MACROD2: variants seen among roughly 807,000 people sequenced by gnomAD.
MACROD2 encodes the protein mono-ADP ribosylhydrolase 2, also known as ADP-ribose glycohydrolase MACROD2.
Under a neutral mutation model 70.4 loss-of-function variants are expected in MACROD2, and 36 were observed. That is an observed-to-expected ratio of 0.51 (90% CI 0.39 to 0.68). MACROD2 has a LOEUF of 0.68. MACROD2 is among the 30% of genes least tolerant of loss of function. MACROD2 has a pLI of 0.00. For synonymous variants in MACROD2, 172 were observed against 178.8 expected (o/e 0.96, Z 0.30); for missense variants, 496 against 538.4 (o/e 0.92, Z 0.78).
intron 3 of MACROD2, among the ~76,000 whole-genome samples, chr20:14,365,744 G>A (rs1057217674): frequency 1.3e-5 from 2 of 151,926 alleles, no homozygotes; most frequent in Admixed American, 6.6e-5. Flanking sequence ...TACAGATTTT[G>A]TAACTATTAA....
Position 15,608,437 on chromosome 20 carries a change from C to T in MACROD2, c.645+108590C>T, listed in dbSNP as rs536121492. Among the ~76,000 whole-genome samples the T allele has an allele frequency of 7.9e-5, 12 of 152,316 alleles. No individual in the cohort carries two copies. In the East Asian group the frequency reaches 2.1e-3, roughly 27 times the overall value. On this transcript the variant is annotated intron_variant, in intron 8 of 17. Transcript: ENST00000684519. ...TTTCTCTGCGTAGCTGTTATTTCCT[C>T]ACCCTTGTTCTAGGAGGAGCACACG...
chr20:14,560,699 G>A (rs1303816416), intron 4 of MACROD2, among the ~76,000 whole-genome samples: 1 of 151,792 alleles, frequency 6.6e-6, no homozygotes, highest in East Asian at 1.9e-4. Context: ...GAACATAAGA[G>A]TTTATCATAT....
At chr20:15,412,783 C>A (rs1359422782) in intron 6 of MACROD2, among the ~76,000 whole-genome samples, 1 of 152,078 alleles carries the variant, frequency 6.6e-6, no homozygotes, top group African/African-American at 2.4e-5. Flanking sequence ...GTGGGTCTGG[C>A]CTGTGTAATT....
intron 5 of MACROD2, among the ~76,000 whole-genome samples, chr20:15,182,602 A>G (rs919328884): frequency 6.6e-6 from 1 of 152,200 alleles, no homozygotes; most frequent in African/African-American, 2.4e-5. Flanking sequence ...GCACAGGAGC[A>G]TTATTTATAA....
At chr20:15,043,849 TTAA>T (rs2123033662) in intron 5 of MACROD2, among the ~76,000 whole-genome samples, 1 of 152,240 alleles carries the variant, frequency 6.6e-6, no homozygotes, top group African/African-American at 2.4e-5. Context: ...GACACTTTAC[TTAA>T]TATGACCAAT....
rs77611837 is a variant in MACROD2, at chr20:15,702,870, C to T, written c.646-159875C>T. ...CCAAAGAACAAAGCCAGAGGCTTTACGTTATCCAACTTCGAACTATACTAT... is the reference window on the plus strand; with the variant it reads ...CCAAAGAACAAAGCCAGAGGCTTTATGTTATCCAACTTCGAACTATACTAT... On this transcript the variant is annotated intron_variant, in intron 8 of 17. Coordinates refer to ENST00000684519, the MANE Select transcript of MACROD2 (RefSeq NM_001351661.2). Among the ~76,000 whole-genome samples the T allele has an allele frequency of 1.6e-3, 241 of 152,264 alleles. 1 individual carries two copies. Among genetic ancestry groups the T allele is most frequent in the East Asian group, 4.1e-3 (21 of 5,174 alleles).
At chr20:14,941,394 C>A (rs1172708895) in intron 5 of MACROD2, among the ~76,000 whole-genome samples, 3 of 152,054 alleles carry the variant, frequency 2.0e-5, no homozygotes, top group Admixed American at 6.5e-5. Context: ...TGGCTTGAAA[C>A]AGGGACAGGT....
intron 2 of MACROD2, among the ~76,000 whole-genome samples, chr20:14,070,470 C>G (rs1476045909): frequency 4.6e-5 from 7 of 152,086 alleles, no homozygotes; most frequent in African/African-American, 1.4e-4. Flanking sequence ...ATCCGTAAAA[C>G]CTCTTACCGA....
At chr20:15,373,931 C>T (rs933860228) in intron 6 of MACROD2, among the ~76,000 whole-genome samples, 7 of 151,818 alleles carry the variant, frequency 4.6e-5, no homozygotes, top group Middle Eastern at 3.2e-3. Context: ...TTCATTTTGC[C>T]ACGTCTGAAT....
At chr20:14,588,833 T>A (rs1981565941) in intron 4 of MACROD2, among the ~76,000 whole-genome samples, 1 of 152,220 alleles carries the variant, frequency 6.6e-6, no homozygotes, top group African/African-American at 2.4e-5. Flanking sequence ...ATAAAAATAT[T>A]CATTGACATC....
chr20:14,505,991 C>G (rs959395176), intron 4 of MACROD2, among the ~76,000 whole-genome samples: 3 of 152,278 alleles, frequency 2.0e-5, no homozygotes, highest in African/African-American at 7.2e-5. Context: ...CTATGGCAAC[C>G]TTGCTCCCAC....
At chr20:15,488,177 G>A (rs1250696384) in intron 7 of MACROD2, among the ~76,000 whole-genome samples, 1 of 152,120 alleles carries the variant, frequency 6.6e-6, no homozygotes, top group Admixed American at 6.6e-5. Context: ...AGTTGATCAA[G>A]GTCACGTGCA....
chr20:15,850,783 A>G (rs1234738741), intron 8 of MACROD2, among the ~76,000 whole-genome samples: 1 of 152,096 alleles, frequency 6.6e-6, no homozygotes, highest in African/African-American at 2.4e-5. Context: ...ACGTTTCCCA[A>G]TGGTCAGTGT....
At chr20:14,802,893 ATAGTAT>A (rs2072595538) in intron 5 of MACROD2, among the ~76,000 whole-genome samples, 1 of 151,956 alleles carries the variant, frequency 6.6e-6, no homozygotes, top group South Asian at 2.1e-4. Context: ...ATTTTTAATG[ATAGTAT>A]TAGAGATATG....
chr20:15,056,325 A>C (rs1022723423), intron 5 of MACROD2, among the ~76,000 whole-genome samples: 1 of 152,058 alleles, frequency 6.6e-6, no homozygotes, highest in Non-Finnish European at 1.5e-5. Flanking sequence ...CAGCTTCTTC[A>C]TCTTTCAGGG....
intron 3 of MACROD2, among the ~76,000 whole-genome samples, chr20:14,217,477 G>A (rs1214609074): frequency 6.6e-6 from 1 of 151,842 alleles, no homozygotes; most frequent in African/African-American, 2.4e-5. Context: ...TCTTTTTTTG[G>A]TTATGTCCTT....
chr20:15,742,602 G>A, intron 8 of MACROD2, among the ~76,000 whole-genome samples: 1 of 152,144 alleles, frequency 6.6e-6, no homozygotes, highest in Non-Finnish European at 1.5e-5. Flanking sequence ...TGCCAGAGGA[G>A]ACATTTAAAA....
chr20:15,267,234 TC>T (rs769635212), intron 6 of MACROD2, among the ~76,000 whole-genome samples: 15 of 152,260 alleles, frequency 9.9e-5, no homozygotes, highest in Non-Finnish European at 2.1e-4. Context: ...AGGTCACCTC[TC>T]TCCAGAAGAC....
At chr20:14,156,598 A>G (rs2055107606) in intron 3 of MACROD2, among the ~76,000 whole-genome samples, 2 of 152,162 alleles carry the variant, frequency 1.3e-5, no homozygotes, top group Admixed American at 6.6e-5. Flanking sequence ...AGTTTAGTTT[A>G]CAGATTTTAA....
Sources: gnomAD v4.1 joint callset for allele counts (sites outside exome capture counted in the v4.1 genomes callset) on GRCh38, gnomAD v4.1.1 for gene constraint, MANE v1.5 for transcripts, NCBI Gene and HGNC (gene_info 2026-07-23, HGNC 2026-07-21) for gene names.